JAM3: variants seen among roughly 807,000 people sequenced by gnomAD.
JAM3 encodes junctional adhesion molecule C.
A neutral mutation model predicts 39.4 loss-of-function variants in JAM3; 31 were observed. That is an observed-to-expected ratio of 0.79 (90% CI 0.59 to 1.06). JAM3 has a LOEUF of 1.06. Among genes scored for constraint, JAM3 ranks in the 50% least tolerant of loss-of-function variants. JAM3 has a pLI of 0.00. For missense variants in JAM3, 455 were observed against 391.4 expected (o/e 1.16, Z -1.37); for synonymous variants, 182 against 148.7 (o/e 1.22, Z -1.63).
At chr11:134,071,774 A>T (rs922507462) in intron 1 of JAM3, among the ~76,000 whole-genome samples, 5 of 152,116 alleles carry the variant, frequency 3.3e-5, no homozygotes, top group African/African-American at 1.2e-4. Context: ...ATATTCTTTT[A>T]TGTTCTAATT....
Position 134,144,834 on chromosome 11 carries a change from C to G in JAM3, c.452C>G (p.Pro151Arg). 5 of 1,614,220 alleles carry G rather than the reference C, an allele frequency of 3.1e-6. No individual in the cohort carries two copies. The highest frequency in any genetic ancestry group is 3.4e-6 in the Non-Finnish European group (4 of 1,180,046). Residue 151 changes from proline to arginine, a missense_variant, in exon 5 of 9, where the codon CCA becomes CGA. By Grantham distance (103) the Pro-to-Arg change is moderately radical. Coordinates refer to ENST00000299106, the MANE Select transcript of JAM3 (RefSeq NM_032801.5). ...GTCTGTAGAGTGCCGAAGGCTGTACCAGTAGGCAAGATGGCAACACTGCAC... is the reference window on the plus strand; with the variant it reads ...GTCTGTAGAGTGCCGAAGGCTGTACGAGTAGGCAAGATGGCAACACTGCAC... ...TPVCRVPKAV[P>R]VGKMATLHCQ... is the part of the protein sequence containing the mutation.
At chr11:134,077,945 C>T (rs1941601012) in intron 1 of JAM3, among the ~76,000 whole-genome samples, 1 of 152,044 alleles carries the variant, frequency 6.6e-6, no homozygotes, top group Admixed American at 6.6e-5. Flanking sequence ...AGGCACCGCG[C>T]CCGGCCAAGG....
chr11:134,128,018 G>GT (rs1302902677), intron 1 of JAM3, among the ~76,000 whole-genome samples: 3 of 151,976 alleles, frequency 2.0e-5, no homozygotes, highest in Non-Finnish European at 4.4e-5. Context: ...TCAAACAGTG[G>GT]TTTTTTTGTT....
At chr11:134,104,033 A>G (rs1314820124) in intron 1 of JAM3, among the ~76,000 whole-genome samples, 4 of 152,168 alleles carry the variant, frequency 2.6e-5, no homozygotes, top group Non-Finnish European at 5.9e-5. Context: ...AGAACTCTCC[A>G]CCCCAAATCA....
At chr11:134,088,060 G>A (rs373274787) in intron 1 of JAM3, among the ~76,000 whole-genome samples, 1 of 152,294 alleles carries the variant, frequency 6.6e-6, no homozygotes. Flanking sequence ...ACAGGATTCA[G>A]CAAGAGGTAG....
chr11:134,131,630 T>C (rs1420930158), intron 1 of JAM3, among the ~76,000 whole-genome samples: 1 of 152,162 alleles, frequency 6.6e-6, no homozygotes, highest in East Asian at 1.9e-4. Flanking sequence ...TTGGACTTAT[T>C]AGCCAAAGAC....
intron 1 of JAM3, among the ~76,000 whole-genome samples, chr11:134,139,361 T>C (rs1203073974): frequency 6.6e-6 from 1 of 152,196 alleles, no homozygotes; most frequent in Non-Finnish European, 1.5e-5. Flanking sequence ...CGAGGTGGAC[T>C]CCTAGCTGGT....
intron 1 of JAM3, among the ~76,000 whole-genome samples, chr11:134,135,706 T>A (rs1397256878): frequency 2.6e-5 from 4 of 152,064 alleles, no homozygotes; most frequent in Non-Finnish European, 5.9e-5. Context: ...AATAGATTTT[T>A]ATCTATCTTA....
Position 134,150,543 on chromosome 11 carries a change from G to T in JAM3, c.*1362G>T, listed in dbSNP as rs1943188946. 6.6e-6 allele frequency: 1 copy of T among 152,066 alleles called. No homozygotes were observed. The highest frequency in any genetic ancestry group is 2.4e-5 in the African/African-American group (1 of 41,316). 9.4% of individuals were successfully genotyped at this position (152,066 alleles called of 1,614,324 possible). ...CACAGCTCTCAGGTGGGCACTGCAG[G>T]GACACTGGTGTCTTCCATGTAGCGT... is the stretch of plus-strand genomic sequence containing the variant. On this transcript the variant is annotated 3_prime_UTR_variant, in exon 9 of 9. Transcript: ENST00000299106.
intron 1 of JAM3, among the ~76,000 whole-genome samples, chr11:134,104,008 A>C (rs1229902179): frequency 1.1e-4 from 17 of 152,184 alleles, no homozygotes; most frequent in African/African-American, 2.7e-4. Context: ...CCAAGCGGAC[A>C]TAATAGACAT....
chr11:134,112,518 T>C (rs1046786184), intron 1 of JAM3, among the ~76,000 whole-genome samples: 2 of 152,202 alleles, frequency 1.3e-5, no homozygotes, highest in Non-Finnish European at 2.9e-5. Flanking sequence ...GACACAGATA[T>C]ACTTAATTAT....
intron 3 of JAM3, among the ~76,000 whole-genome samples, chr11:134,141,691 G>C (rs1565504427): frequency 6.6e-6 from 1 of 152,060 alleles, no homozygotes; most frequent in Non-Finnish European, 1.5e-5. Context: ...CTGGTGGGGG[G>C]CCCCAAGCTG....
chr11:134,114,697 G>T (rs910250838), intron 1 of JAM3, among the ~76,000 whole-genome samples: 1 of 152,072 alleles, frequency 6.6e-6, no homozygotes, highest in Non-Finnish European at 1.5e-5. Context: ...ATTTCACTGT[G>T]GTCAGAAAAC....
chr11:134,142,260 G>C (rs954601310), intron 3 of JAM3, among the ~76,000 whole-genome samples: 1 of 152,212 alleles, frequency 6.6e-6, no homozygotes, highest in Non-Finnish European at 1.5e-5. Context: ...GGATGCAGCT[G>C]TACTTGGCCT....
At chr11:134,088,480 A>G (rs12793689) in intron 1 of JAM3, among the ~76,000 whole-genome samples, 11,806 of 152,186 alleles carry the variant, frequency 0.078, 595 homozygotes, top group Admixed American at 0.11. Flanking sequence ...AACCAAGTAT[A>G]GAAGGTTATA....
intron 1 of JAM3, among the ~76,000 whole-genome samples, chr11:134,072,800 C>T (rs560942253): frequency 1.3e-4 from 20 of 152,280 alleles, no homozygotes; most frequent in South Asian, 6.2e-4. Context: ...GTCCCAGCTA[C>T]TCTGGAGGCT....
chr11:134,101,600 A>G (rs1373805008), intron 1 of JAM3, among the ~76,000 whole-genome samples: 1 of 152,322 alleles, frequency 6.6e-6, no homozygotes, highest in East Asian at 1.9e-4. Context: ...ACTAGAAAAT[A>G]GAGTAACCTT....
Position 134,138,187 on chromosome 11 carries a change from G to C in JAM3, c.77-1664G>C, listed in dbSNP as rs551553618. Among the ~76,000 whole-genome samples, 231 of 124,482 alleles carry C rather than the reference G, an allele frequency of 1.9e-3. 5 individuals are homozygous for C. The highest frequency in any genetic ancestry group is 8.2e-3 in the African/African-American group (226 of 27,554). The allele number at this position is 124,482 out of a possible 152,430, so 81.7% of individuals were successfully genotyped here. On this transcript the variant is annotated intron_variant, in intron 1 of 8. Transcript: ENST00000299106. Reference sequence around the variant, plus strand: ...CCAGTGGTGGCGTCTCGTCGAAGTCGTGGTGCTCATACTGAGAGAAATGTT... The same window carrying C: ...CCAGTGGTGGCGTCTCGTCGAAGTCCTGGTGCTCATACTGAGAGAAATGTT...
chr11:134,094,418 G>C (rs1410762423), intron 1 of JAM3, among the ~76,000 whole-genome samples: 431 of 86,606 alleles, frequency 5.0e-3, no homozygotes, highest in Middle Eastern at 0.01. Flanking sequence ...CCTTAAATGT[G>C]ACTTCCTGAG....
Sources: gnomAD v4.1 joint callset for allele counts (sites outside exome capture counted in the v4.1 genomes callset) on GRCh38, gnomAD v4.1.1 for gene constraint, MANE v1.5 for transcripts, NCBI Gene and HGNC (gene_info 2026-07-23, HGNC 2026-07-21) for gene names.